GATB: variants seen among roughly 807,000 people sequenced by gnomAD.
GATB encodes the protein glutamyl-tRNA amidotransferase subunit B, also known as glutamyl-tRNA(Gln) amidotransferase subunit B, mitochondrial.
A neutral mutation model predicts 62.3 loss-of-function variants in GATB; 39 were observed. The ratio of observed to expected loss-of-function variants is 0.63; its 90% CI spans 0.48 to 0.82. GATB has a LOEUF of 0.82. Among genes scored for constraint, GATB ranks in the 40% least tolerant of loss-of-function variants. GATB has a pLI of 0.00. For synonymous variants in GATB, 276 were observed against 258.9 expected (o/e 1.07, Z -0.63); for missense variants, 670 against 684.0 (o/e 0.98, Z 0.23).
chr4:151,745,177 ACAT>A (rs2126995185), intron 2 of GATB, among the ~76,000 whole-genome samples: 1 of 152,360 alleles, frequency 6.6e-6, no homozygotes, highest in African/African-American at 2.4e-5. Context: ...AAATAGCTAA[ACAT>A]CATCTAAGTG....
intron 2 of GATB, chr4:151,722,025 A>G (rs1422157951): frequency 1.2e-5 from 7 of 591,196 alleles, no homozygotes; most frequent in Non-Finnish European, 2.1e-5. Flanking sequence ...CAGAATTATA[A>G]GCATCAGTCA....
Position 151,706,088 on chromosome 4 carries a change from CA to C in GATB, c.878-820del, listed in dbSNP as rs1738708560. 2.0e-5 allele frequency among the ~76,000 whole-genome samples: 3 copies of C among 152,336 alleles called. No individual in the cohort carries two copies. In the South Asian group the frequency reaches 6.2e-4, roughly 32 times the overall value. On this transcript the variant is annotated intron_variant, in intron 6 of 12. Coordinates refer to ENST00000263985, the MANE Select transcript of GATB (RefSeq NM_004564.3). Reference sequence around the variant, plus strand: ...TATCTGAGTTGCTAAGAGGCAGCAACAGCAAAACGTGTCAGTTTTTGCTCCC... The same window carrying C: ...TATCTGAGTTGCTAAGAGGCAGCAACGCAAAACGTGTCAGTTTTTGCTCCC...
intron 9 of GATB, among the ~76,000 whole-genome samples, chr4:151,691,967 C>G (rs1481101107): frequency 6.6e-6 from 1 of 152,118 alleles, no homozygotes; most frequent in Non-Finnish European, 1.5e-5. Context: ...CAAAGGTGCT[C>G]AAGAGTATCT....
At chr4:151,739,309 T>C (rs1421472654) in intron 2 of GATB, among the ~76,000 whole-genome samples, 2 of 152,214 alleles carry the variant, frequency 1.3e-5, no homozygotes, top group African/African-American at 4.8e-5. Flanking sequence ...AAGAATCCTC[T>C]GCCATGAGGA....
At chr4:151,682,411 G>GGCA (rs1443028057) in intron 10 of GATB, among the ~76,000 whole-genome samples, 1 of 152,192 alleles carries the variant, frequency 6.6e-6, no homozygotes, top group African/African-American at 2.4e-5. Flanking sequence ...GACACGCAAT[G>GGCA]GCAGCAGCAG....
intron 2 of GATB, among the ~76,000 whole-genome samples, chr4:151,750,170 C>A (rs1739690458): frequency 1.3e-5 from 2 of 152,168 alleles, no homozygotes; most frequent in Admixed American, 6.5e-5. Context: ...CGTGAGCCAC[C>A]ACGCCCAGCC....
intron 2 of GATB, among the ~76,000 whole-genome samples, chr4:151,746,942 G>A (rs776704851): frequency 6.6e-6 from 1 of 152,078 alleles, no homozygotes; most frequent in Non-Finnish European, 1.5e-5. Flanking sequence ...AAATCCCCTG[G>A]GGCCGCAGAA....
At chr4:151,721,856 A>G in intron 2 of GATB, 1 of 267,402 alleles carries the variant, frequency 3.7e-6, no homozygotes, top group Non-Finnish European at 6.9e-6. Flanking sequence ...GGACCATCAC[A>G]GACTCTCACT....
intron 2 of GATB, among the ~76,000 whole-genome samples, chr4:151,736,065 C>T (rs1351422471): frequency 6.6e-6 from 1 of 152,080 alleles, no homozygotes; most frequent in Non-Finnish European, 1.5e-5. Flanking sequence ...CCACATCCTG[C>T]CACTTCCATT....
At chr4:151,758,227 C>T (rs1739876112) in intron 2 of GATB, among the ~76,000 whole-genome samples, 1 of 152,144 alleles carries the variant, frequency 6.6e-6, no homozygotes, top group South Asian at 2.1e-4. Flanking sequence ...GAGTTGACTC[C>T]TCCTCCTCCT....
chr4:151,717,136 T>A, intron 3 of GATB, 62 bp from the exon 4 acceptor site: 1 of 1,472,808 alleles, frequency 6.8e-7, no homozygotes, highest in South Asian at 1.2e-5. Flanking sequence ...GGATCCAGTT[T>A]ACTATCCCTT....
intron 9 of GATB, among the ~76,000 whole-genome samples, chr4:151,697,953 G>GTATATATATATATATATATATATA (rs56231389): frequency 2.5e-5 from 1 of 40,608 alleles, no homozygotes; most frequent in African/African-American, 1.3e-4. Flanking sequence ...GTGTGTGTGT[G>GTATATATATATATATATATATATA]TATATATATA....
chr4:151,749,160 G>GT (rs1482383966), intron 2 of GATB, among the ~76,000 whole-genome samples: 1 of 152,148 alleles, frequency 6.6e-6, no homozygotes, highest in Non-Finnish European at 1.5e-5. Flanking sequence ...CCATTACTGG[G>GT]TATATACCCA....
chr4:151,703,876 C>A lies in GATB; in HGVS notation c.982G>T (p.Asp328Tyr), dbSNP rs1454061834. ...HKLGCTMSMR[D>Y]KEGKQDYRFM... ...CTGTAGTCCTGTTTTCCTTCTTTGT[C>A]TCTCATTGACATGGTGCACCTGCAA... The change falls in exon 8 of 13, where the codon GAC becomes TAC. Residue 328 changes from aspartate to tyrosine, a missense_variant. Coordinates refer to ENST00000263985, the MANE Select transcript of GATB (RefSeq NM_004564.3). 1 of 1,607,596 alleles carries A rather than the reference C, an allele frequency of 6.2e-7. No individual in the cohort carries two copies. The highest frequency in any genetic ancestry group is 1.3e-5 in the African/African-American group (1 of 74,772).
chr4:151,732,714 TAA>T (rs371222321), intron 2 of GATB, among the ~76,000 whole-genome samples: 151 of 66,348 alleles, frequency 2.3e-3, no homozygotes, highest in Non-Finnish European at 3.1e-3. Context: ...GAATGATCAA[TAA>T]AAAAAAAAAA....
chr4:151,718,777 C>T lies in GATB; in HGVS notation c.441+648G>A, dbSNP rs574945996. On this transcript the variant is annotated intron_variant, in intron 3 of 12. Transcript: ENST00000263985. ...CCCATTCAACATTTCAGTTTTGTTCCTGTTCAATAGTATGAAAAATTGGCT... is the reference window on the plus strand; with the variant it reads ...CCCATTCAACATTTCAGTTTTGTTCTTGTTCAATAGTATGAAAAATTGGCT... 1.3e-4 allele frequency among the ~76,000 whole-genome samples: 20 copies of T among 152,296 alleles called. No individual in the cohort carries two copies. The East Asian group carries it at 3.9e-3, about 29-fold the overall frequency.
chr4:151,697,965 A>ATATATATATATATATGTGTATG lies in GATB; in HGVS notation c.1197+3363_1197+3364insCATACACATATATATATATATA, dbSNP rs1560847741. On this transcript the variant is annotated intron_variant, in intron 9 of 12. Transcript: ENST00000263985. ...TGTGTGTGTGTGTGTATATATATAT[A>ATATATATATATATATGTGTATG]TATATATATATATATATATATATAT... Among the ~76,000 whole-genome samples the ATATATATATATATATGTGTATG allele has an allele frequency of 7.9e-4, 86 of 109,012 alleles. 5 individuals carry two copies. The highest frequency in any genetic ancestry group is 3.9e-3 in the African/African-American group (79 of 20,096). The allele number at this position is 109,012 out of a possible 152,430, so 71.5% of individuals were successfully genotyped here.
chr4:151,684,488 T>A (rs1738205096), intron 10 of GATB, among the ~76,000 whole-genome samples: 1 of 152,248 alleles, frequency 6.6e-6, no homozygotes, highest in South Asian at 2.1e-4. Context: ...CTCTACCAAT[T>A]TGATCTCCAG....
At chr4:151,681,281 A>C (rs1027206983) in intron 10 of GATB, among the ~76,000 whole-genome samples, 2 of 152,204 alleles carry the variant, frequency 1.3e-5, no homozygotes, top group African/African-American at 4.8e-5. Context: ...GAGGCAGCCC[A>C]TCATCCTGTA....
Sources: gnomAD v4.1 joint callset for allele counts (sites outside exome capture counted in the v4.1 genomes callset) on GRCh38, gnomAD v4.1.1 for gene constraint, MANE v1.5 for transcripts, NCBI Gene and HGNC (gene_info 2026-07-23, HGNC 2026-07-21) for gene names.